FBXL7: variants seen among roughly 807,000 people sequenced by gnomAD.
FBXL7 encodes the protein F-box/LRR-repeat protein 7.
A neutral mutation model predicts 38.3 loss-of-function variants in FBXL7; 12 were observed. The ratio of observed to expected loss-of-function variants is 0.31; its 90% CI spans 0.20 to 0.51. FBXL7 has a LOEUF of 0.51. FBXL7 is among the 20% of genes least tolerant of loss of function. The pLI is 0.98. For missense variants in FBXL7, 567 were observed against 676.4 expected, an observed-to-expected ratio of 0.84 and a Z score of 1.79; for synonymous variants, 297 against 300.9, an observed-to-expected ratio of 0.99 and a Z score of 0.13.
chr5:15,759,516 C>T lies in FBXL7; in HGVS notation c.127+143444C>T, dbSNP rs546115732. The stretch of plus-strand genomic sequence containing the variant: ...ATTTGAAGAAACATCCTTACTTGTA[C>T]ATAGTAACAAAACAATCACTCACTG... On this transcript the variant is annotated intron_variant, in intron 2 of 3. Coordinates refer to ENST00000504595, the MANE Select transcript of FBXL7 (RefSeq NM_012304.5). Among the ~76,000 whole-genome samples the T allele has an allele frequency of 3.2e-4, 48 of 152,190 alleles. No homozygotes were observed. The South Asian group carries it at 9.9e-3, about 32-fold the overall frequency.
intron 2 of FBXL7, among the ~76,000 whole-genome samples, chr5:15,897,661 A>T (rs1490185410): frequency 6.6e-6 from 1 of 152,188 alleles, no homozygotes; most frequent in Non-Finnish European, 1.5e-5. Context: ...AGTTTAGGCT[A>T]TGCTCCCGGA....
rs1463483776 is a variant in FBXL7, at chr5:15,938,804, CAGAT to C, written c.*1621_*1624del. The stretch of plus-strand genomic sequence containing the variant: ...TATTCTAGCCTCATTTGCATGAAGT[CAGAT>C]AGCCAGAAGAAATTCCATTGCTGGT... On this transcript the variant is annotated 3_prime_UTR_variant, in exon 4 of 4. Coordinates refer to ENST00000504595, the MANE Select transcript of FBXL7 (RefSeq NM_012304.5). The C allele has an allele frequency of 2.5e-6, 1 of 394,556 alleles. No homozygotes were observed. The highest frequency in any genetic ancestry group is 4.5e-6 in the Non-Finnish European group (1 of 224,074). 24.4% of individuals were successfully genotyped at this position (394,556 alleles called of 1,614,324 possible).
At chr5:15,526,185 C>T (rs2126382838) in intron 1 of FBXL7, among the ~76,000 whole-genome samples, 1 of 152,090 alleles carries the variant, frequency 6.6e-6, no homozygotes, top group Non-Finnish European at 1.5e-5. Flanking sequence ...GGATGAGCAA[C>T]ATTTCCTGCC....
chr5:15,892,675 G>A (rs1740951419), intron 2 of FBXL7, among the ~76,000 whole-genome samples: 1 of 152,194 alleles, frequency 6.6e-6, no homozygotes, highest in Non-Finnish European at 1.5e-5. Flanking sequence ...CAGGAATTCA[G>A]ACAGTTCCTC....
intron 1 of FBXL7, among the ~76,000 whole-genome samples, chr5:15,546,404 TA>T (rs1364642451): frequency 6.6e-6 from 1 of 151,884 alleles, no homozygotes; most frequent in African/African-American, 2.4e-5. Context: ...CCATCTCTAC[TA>T]AAAATACAAA....
Position 15,678,345 on chromosome 5 carries a change from T to G in FBXL7, c.127+62273T>G, listed in dbSNP as rs76595650. 2.0e-3 allele frequency among the ~76,000 whole-genome samples: 297 copies of G among 152,282 alleles called. 1 individual carries two copies. The highest frequency in any genetic ancestry group is 6.3e-3 in the African/African-American group (260 of 41,568). On this transcript the variant is annotated intron_variant, in intron 2 of 3. Transcript: ENST00000504595. ...TGATACTGATGTTCAGATTTCTGAC[T>G]CTTCAGCCCAGAAAACAGAAGTGCT...
In FBXL7 at chr5:15,936,698, A is replaced by G; in HGVS notation, c.988A>G (p.Ser330Gly). 1 of 1,608,280 alleles carries G rather than the reference A, an allele frequency of 6.2e-7. No homozygotes were observed. Among genetic ancestry groups the G allele is most frequent in the Non-Finnish European group, 8.5e-7 (1 of 1,179,610 alleles). The change falls in exon 4 of 4, where the codon AGC (serine) becomes GGC (glycine). Residue 330 changes from serine to glycine, a missense_variant. By Grantham distance (56) the Ser-to-Gly change is moderately conservative. Coordinates refer to ENST00000504595, the MANE Select transcript of FBXL7 (RefSeq NM_012304.5). This position sits in a 1 kb window ranked among gnomAD's most constrained non-coding sequence, Gnocchi z 6.0. ...CTACTGCGCCTCCATCAAGGAGCTG[A>G]GCGTCAGCGACTGCCGCTTCGTCAG... ...VIYCASIKEL[S>G]VSDCRFVSDF...
intron 1 of FBXL7, among the ~76,000 whole-genome samples, chr5:15,581,545 G>T (rs1170706086): frequency 1.3e-5 from 2 of 152,146 alleles, no homozygotes; most frequent in Non-Finnish European, 2.9e-5. Flanking sequence ...CCATAGCAAT[G>T]GGGGAAAATT....
chr5:15,615,674 G>A lies in FBXL7; in HGVS notation c.38-309G>A, dbSNP rs578190650. On this transcript the variant is annotated intron_variant, in intron 1 of 3. Transcript: ENST00000504595. ...AATGCAGGAGATGTGTTCCCCACAT[G>A]TACTTTCTTATTCACATTTATGCCA... is the stretch of plus-strand genomic sequence containing the variant. 1.6e-4 allele frequency among the ~76,000 whole-genome samples: 24 copies of A among 152,212 alleles called. No individual in the cohort carries two copies. In the South Asian group the frequency reaches 4.8e-3, roughly 30 times the overall value.
At chr5:15,583,542 A>C (rs971484505) in intron 1 of FBXL7, among the ~76,000 whole-genome samples, 3 of 152,200 alleles carry the variant, frequency 2.0e-5, no homozygotes, top group Admixed American at 2.0e-4. Context: ...ATTGGCCAAA[A>C]CAAAGGGGCT....
intron 1 of FBXL7, among the ~76,000 whole-genome samples, chr5:15,548,636 G>T (rs1417272623): frequency 6.6e-6 from 1 of 152,192 alleles, no homozygotes; most frequent in Non-Finnish European, 1.5e-5. Context: ...ATTTTAGAAG[G>T]TTTATTTGCC....
intron 2 of FBXL7, among the ~76,000 whole-genome samples, chr5:15,762,295 C>T (rs1034790929): frequency 5.9e-5 from 9 of 152,064 alleles, no homozygotes; most frequent in Non-Finnish European, 1.0e-4. Flanking sequence ...GCTAGCAAGA[C>T]GGAAGTTATA....
At chr5:15,809,866 G>C (rs1737811828) in intron 2 of FBXL7, among the ~76,000 whole-genome samples, 1 of 152,138 alleles carries the variant, frequency 6.6e-6, no homozygotes, top group Non-Finnish European at 1.5e-5. Context: ...GTATCTGAGA[G>C]TTATGATATT....
intron 2 of FBXL7, among the ~76,000 whole-genome samples, chr5:15,831,654 G>A (rs554047105): frequency 6.6e-5 from 10 of 152,246 alleles, no homozygotes; most frequent in South Asian, 2.1e-4. Context: ...TCTGTGAAAC[G>A]CACTCTGGGA....
intron 2 of FBXL7, among the ~76,000 whole-genome samples, chr5:15,687,202 T>C (rs1214809880): frequency 6.6e-6 from 1 of 152,246 alleles, no homozygotes; most frequent in African/African-American, 2.4e-5. Context: ...AACCCCTTTA[T>C]AGGAAACCCT....
chr5:15,568,508 G>C (rs1738661525), intron 1 of FBXL7, among the ~76,000 whole-genome samples: 1 of 151,908 alleles, frequency 6.6e-6, no homozygotes, highest in African/African-American at 2.4e-5. Flanking sequence ...CAGATGAGTA[G>C]ATTGCAAAAA....
chr5:15,917,774 CT>C (rs11366996), intron 2 of FBXL7, among the ~76,000 whole-genome samples: 49,890 of 137,994 alleles, frequency 0.36, 8,864 homozygotes, highest in Admixed American at 0.53. Context: ...AGGCTTATGC[CT>C]TTTTTTTTTT....
intron 2 of FBXL7, among the ~76,000 whole-genome samples, chr5:15,747,482 G>A (rs1329229229): frequency 6.6e-6 from 1 of 152,040 alleles, no homozygotes; most frequent in African/African-American, 2.4e-5. Context: ...TGCTGTAGGG[G>A]GTCAACCTGG....
intron 2 of FBXL7, among the ~76,000 whole-genome samples, chr5:15,850,983 T>A (rs898522528): frequency 6.6e-6 from 1 of 152,374 alleles, no homozygotes; most frequent in East Asian, 1.9e-4. Flanking sequence ...TCCCCTCTCC[T>A]AGAGCCGCTT....
Sources: gnomAD v4.1 joint callset for allele counts (sites outside exome capture counted in the v4.1 genomes callset) on GRCh38, gnomAD v4.1.1 for gene constraint, Gnocchi (gnomAD v3.1) non-coding constraint, MANE v1.5 for transcripts, NCBI Gene and HGNC (gene_info 2026-07-23, HGNC 2026-07-21) for gene names.